Variants in PFN4 observed in about 807,000 individuals in gnomAD.
The protein encoded by PFN4 is profilin family member 4, also known as profilin-4.
A neutral mutation model predicts 16.3 loss-of-function variants in PFN4; 10 were observed. The ratio of observed to expected loss-of-function variants is 0.61; its 90% CI spans 0.38 to 1.04. The LOEUF is 1.04. Among genes scored for constraint, PFN4 ranks in the 50% least tolerant of loss-of-function variants. The probability of loss-of-function intolerance (pLI) is 0.01; values close to 1 mark genes in which losing one functional copy is unlikely to be tolerated. For synonymous variants in PFN4, 54 were observed against 56.9 expected (o/e 0.95, Z 0.23); for missense variants, 136 against 153.6 (o/e 0.89, Z 0.61).
At chr2:24,119,157 C>T (rs1265637910) in intron 4 of PFN4, among the ~76,000 whole-genome samples, 1 of 152,074 alleles carries the variant, frequency 6.6e-6, no homozygotes, top group South Asian at 2.1e-4. Flanking sequence ...ACATCTCTGC[C>T]TTTTTACCCT....
intron 3 of PFN4, 90 bp downstream of exon 3, chr2:24,121,071 ATC>A (rs1276404968): frequency 2.0e-6 from 3 of 1,486,874 alleles, no homozygotes; most frequent in Admixed American, 3.8e-5. Flanking sequence ...AATGGATTTA[ATC>A]TGTTTTACAG....
chr2:24,120,734 T>A (rs1013273288), intron 3 of PFN4, among the ~76,000 whole-genome samples: 1 of 152,288 alleles, frequency 6.6e-6, no homozygotes, highest in African/African-American at 2.4e-5. Context: ...CTTGTATTTT[T>A]AGTAGAAACA....
At chr2:24,121,389 G>A in intron 2 of PFN4, 89 bp from the exon 3 acceptor site, 1 of 1,276,774 alleles carries the variant, frequency 7.8e-7, no homozygotes, top group Non-Finnish European at 1.1e-6. Flanking sequence ...TTTATGGCCT[G>A]CAAGCTAAGA....
chr2:24,115,691 C>A, intron 4 of PFN4, 80 bp from the exon 5 acceptor site: 1 of 1,487,868 alleles, frequency 6.7e-7, no homozygotes, highest in South Asian at 1.1e-5. Context: ...ATTTATTATT[C>A]CACAAACATT....
At chr2:24,119,193 C>T (rs1477842585) in intron 4 of PFN4, among the ~76,000 whole-genome samples, 4 of 152,036 alleles carry the variant, frequency 2.6e-5, no homozygotes, top group African/African-American at 4.8e-5. Context: ...CCCTATCCTG[C>T]CCCACCTACA....
At chr2:24,121,428 G>A (rs1558379311) in intron 2 of PFN4, 128 bp from the exon 3 acceptor site, 2 of 837,296 alleles carry the variant, frequency 2.4e-6, no homozygotes, top group Non-Finnish European at 3.6e-6. Flanking sequence ...AATGGTTGGG[G>A]AAAAAAAATC....
intron 2 of PFN4, 48 bp from the exon 3 acceptor site, chr2:24,121,348 T>C (rs749212058): frequency 6.4e-7 from 1 of 1,565,002 alleles, no homozygotes; most frequent in East Asian, 2.3e-5. Flanking sequence ...CTATGGCTGG[T>C]GGCCAGCCAA....
At chr2:24,120,982 C>A (rs1666096441) in intron 3 of PFN4, among the ~76,000 whole-genome samples, 181 bp downstream of exon 3, 2 of 150,086 alleles carry the variant, frequency 1.3e-5, no homozygotes, top group Non-Finnish European at 3.0e-5. Flanking sequence ...TTCTCAAAAC[C>A]AGGCTCTTGA....
At chr2:24,122,581 C>G in intron 1 of PFN4, 34 bp from the exon 2 acceptor site, 1 of 1,343,986 alleles carries the variant, frequency 7.4e-7, no homozygotes, top group South Asian at 1.2e-5. Context: ...GCCATTGACT[C>G]TGGCTAGCTT....
rs534669974 is a variant in PFN4 at position 24,123,203 on chromosome 2, G to C, written c.-98C>G. The C allele has an allele frequency of 3.9e-4, 60 of 152,476 alleles. No homozygotes were observed. Among genetic ancestry groups the C allele is most frequent in the Admixed American group, 7.2e-4 (11 of 15,302 alleles). The allele number at this position is 152,476 out of a possible 1,614,324, so 9.4% of individuals were successfully genotyped here. On this transcript the variant is annotated 5_prime_UTR_variant, in exon 1 of 5. Transcript: ENST00000313213. ...CCCAAGGCGGGGCAGGGGGTGGTGA[G>C]CGGTGAATTCCCTGGCACCGAGGAC...
At chr2:24,121,401 T>A in intron 2 of PFN4, 101 bp from the exon 3 acceptor site, 1 of 1,147,956 alleles carries the variant, frequency 8.7e-7, no homozygotes, top group South Asian at 1.6e-5. Context: ...AAGCTAAGAA[T>A]GGTTTTCATG....
chr2:24,122,523 G>T lies in PFN4; in HGVS notation c.13C>A (p.Gln5Lys). The T allele has an allele frequency of 6.2e-7, 1 of 1,612,884 alleles. No homozygotes were observed. The highest frequency in any genetic ancestry group is 8.5e-7 in the Non-Finnish European group (1 of 1,178,978). The change falls in exon 2 of 5, where the codon CAG (glutamine) becomes AAG (lysine). Residue 5 changes from glutamine (Q) to lysine (K), a missense_variant. By Grantham distance (53) the Gln-to-Lys change is moderately conservative. Coordinates refer to ENST00000313213, the MANE Select transcript of PFN4 (RefSeq NM_199346.3). Reference protein sequence around the residue: MSHLQSLLLDTLLGT... With the variant: MSHLKSLLLDTLLGT... ...AAGAGGGTGTCTAACAATAAGCTCT[G>T]CAAATGGCTCATGTTCCCTCAACTC...
In PFN4 at chr2:24,119,436, T is replaced by G. The variant is rs138629086; in HGVS notation, c.361+141A>C. ...GCTCAGCTGCACCCTGTCCTTCCAG[T>G]GGCTATGTAAATAACCTCAGCATCC... On this transcript the variant is annotated intron_variant, in intron 4 of 4. Coordinates refer to ENST00000313213, the MANE Select transcript of PFN4 (RefSeq NM_199346.3). 4.1e-4 allele frequency: 248 copies of G among 606,506 alleles called. No homozygotes were observed. The African/African-American group carries it at 4.1e-3, about 10-fold the overall frequency. 37.6% of individuals were successfully genotyped at this position (606,506 alleles called of 1,614,324 possible). A position where few individuals can be genotyped will look rare whatever the true frequency, so the allele number is the denominator to read the frequency against.
At chr2:24,120,276 A>AC (rs1359811852) in intron 3 of PFN4, among the ~76,000 whole-genome samples, 123 of 137,592 alleles carry the variant, frequency 8.9e-4, no homozygotes, top group African/African-American at 2.9e-3. Context: ...CTCAAAAAAA[A>AC]AAACAACAAC....
intron 1 of PFN4, chr2:24,122,804 G>T: frequency 3.0e-6 from 1 of 329,570 alleles, no homozygotes; most frequent in Non-Finnish European, 5.5e-6. Context: ...GTGATTTTCT[G>T]GCTATGTCAA....
intron 2 of PFN4, among the ~76,000 whole-genome samples, chr2:24,122,149 T>C (rs977944162): frequency 5.3e-5 from 8 of 152,054 alleles, no homozygotes; most frequent in African/African-American, 1.9e-4. Flanking sequence ...CTGACCAACA[T>C]GGTAAAACAC....
intron 4 of PFN4, among the ~76,000 whole-genome samples, chr2:24,118,237 T>C (rs1212147382): frequency 6.6e-6 from 1 of 152,226 alleles, no homozygotes; most frequent in Admixed American, 6.5e-5. Context: ...TGCTCTCTGC[T>C]CCTGCCCTAC....
intron 4 of PFN4, among the ~76,000 whole-genome samples, chr2:24,116,991 A>T (rs1665938907): frequency 6.6e-6 from 1 of 150,962 alleles, no homozygotes; most frequent in South Asian, 2.1e-4. Flanking sequence ...TCTCTAATAT[A>T]TTTATTTTAA....
chr2:24,120,815 G>A (rs1246309705), intron 3 of PFN4, among the ~76,000 whole-genome samples: 1 of 151,976 alleles, frequency 6.6e-6, no homozygotes, highest in Non-Finnish European at 1.5e-5. Flanking sequence ...GGGATTACAG[G>A]TGTGAGCCAC....
Sources: allele counts gnomAD v4.1 joint callset (sites outside exome capture counted in the v4.1 genomes callset), GRCh38; gene constraint gnomAD v4.1.1; transcripts MANE v1.5; gene names NCBI Gene and HGNC (gene_info 2026-07-23, HGNC 2026-07-21).